The following VBP1 variants were observed in gnomAD, a reference collection of about 807,000 sequenced individuals.
VBP1 encodes prefoldin subunit 3.
A neutral mutation model predicts 15.5 loss-of-function variants in VBP1; 4 were observed. That is an observed-to-expected ratio of 0.26 (90% CI 0.13 to 0.59). VBP1 has a LOEUF of 0.59. VBP1 is among the 20% of genes least tolerant of loss of function. The pLI is 0.90. For synonymous variants in VBP1, 61 were observed against 52.1 expected, an observed-to-expected ratio of 1.17 and a Z score of -0.74; for missense variants, 108 against 139.6, an observed-to-expected ratio of 0.77 and a Z score of 1.14.
intron 4 of VBP1, among the ~76,000 whole-genome samples, chrX:155,234,414 C>G (rs1348989917): frequency 1.8e-5 from 2 of 110,939 alleles, no homozygotes; most frequent in African/African-American, 6.6e-5. Context: ...GCCACCGCGC[C>G]TGGCCCCCCT....
At chrX:155,197,238 G>C (rs782066462) in intron 1 of VBP1, 5 of 111,492 alleles carry the variant, frequency 4.5e-5, no homozygotes, top group Admixed American at 9.5e-5. Context: ...TCTTAGCTAA[G>C]TTCACATTAC....
intron 1 of VBP1, among the ~76,000 whole-genome samples, chrX:155,198,133 C>T (rs1047653002): frequency 8.9e-6 from 1 of 112,863 alleles, no homozygotes; most frequent in East Asian, 2.8e-4. Flanking sequence ...GAGCCCACCA[C>T]AGCTCAAGGA....
At chrX:155,210,936 G>A (rs868965778) in intron 2 of VBP1, among the ~76,000 whole-genome samples, 2 of 111,798 alleles carry the variant, frequency 1.8e-5, no homozygotes, top group African/African-American at 6.5e-5. Context: ...AAACTGTAAT[G>A]TGCCCACACA....
intron 1 of VBP1, among the ~76,000 whole-genome samples, chrX:155,198,007 C>G (rs2074585232): frequency 8.9e-6 from 1 of 112,328 alleles, no homozygotes; most frequent in Non-Finnish European, 1.9e-5. Context: ...TCGCTGATTG[C>G]TAGCACAGCA....
chrX:155,208,928 AC>A lies in VBP1; in HGVS notation c.28del (p.Gln10SerfsTer4). 1.7e-6 allele frequency: 2 copies of A among 1,154,886 alleles called. No individual in the cohort carries two copies. Among genetic ancestry groups the A allele is most frequent in the Non-Finnish European group, 2.3e-6 (2 of 872,591 alleles). ...AATGGCACCTCAACCCATGATTCATACCCAGCAAGGCCTAAGGACCAGTAGT... is the reference window on the plus strand; with the variant it reads ...AATGGCACCTCAACCCATGATTCATACCAGCAAGGCCTAAGGACCAGTAGT... On this transcript the variant is annotated frameshift_variant, in exon 2 of 7. Transcript: ENST00000535916. LOFTEE classifies it high-confidence loss of function.
chrX:155,219,589 C>T (rs2074679352), intron 1 of VBP1, among the ~76,000 whole-genome samples: 2 of 111,266 alleles, frequency 1.8e-5, no homozygotes, highest in Non-Finnish European at 3.8e-5. Context: ...TGACATGCAA[C>T]CTGTAAAATC....
intron 1 of VBP1, among the ~76,000 whole-genome samples, chrX:155,202,506 G>C (rs1407130757): frequency 2.7e-5 from 3 of 110,312 alleles, no homozygotes; most frequent in African/African-American, 1.0e-4. Flanking sequence ...AAGCAGTGGG[G>C]AAAGGATTAC....
intron 1 of VBP1, among the ~76,000 whole-genome samples, chrX:155,198,066 C>T (rs948153905): frequency 5.3e-5 from 6 of 112,519 alleles, no homozygotes; most frequent in African/African-American, 1.6e-4. Flanking sequence ...GAGGGGCGCC[C>T]GCCATTGCCC....
chrX:155,202,813 G>C (rs1423954585), intron 1 of VBP1, among the ~76,000 whole-genome samples: 6 of 109,737 alleles, frequency 5.5e-5, no homozygotes, highest in Non-Finnish European at 9.5e-5. Flanking sequence ...CCATCAGAGT[G>C]AACAGGCAAC....
rs74589923 is a variant in VBP1, at chrX:155,201,842, A to G, written c.-31+4703A>G. ...ATTGTCCCTGTTTGCAGATGACATGATTGTGTATCTAGAAAACCCCATTGT... is the reference window on the plus strand; with the variant it reads ...ATTGTCCCTGTTTGCAGATGACATGGTTGTGTATCTAGAAAACCCCATTGT... On this transcript the variant is annotated intron_variant, in intron 1 of 6. Transcript: ENST00000535916. Among the ~76,000 whole-genome samples the G allele has an allele frequency of 5.4e-5, 6 of 111,476 alleles. No homozygotes were observed. The East Asian group carries it at 1.7e-3, about 31-fold the overall frequency.
chrX:155,236,861 G>A (rs2074775971), intron 5 of VBP1, among the ~76,000 whole-genome samples: 1 of 111,966 alleles, frequency 8.9e-6, no homozygotes, highest in Non-Finnish European at 1.9e-5. Context: ...AGCATTTAAG[G>A]GTCTCCTATG....
Position 155,237,008 on chromosome X carries a change from T to C in VBP1, c.523+641T>C, listed in dbSNP as rs1335725146. Among the ~76,000 whole-genome samples the C allele has an allele frequency of 2.7e-5, 3 of 112,440 alleles. No individual in the cohort carries two copies. In the Admixed American group the frequency reaches 2.8e-4, roughly 11 times the overall value. On this transcript the variant is annotated intron_variant, in intron 5 of 5. Transcript: ENST00000286428. ...AGCAAACTATAAGTAAGTTAACATA[T>C]GCAACACCAAGGCAATTTAAACTTT...
At chrX:155,231,266 A>G (rs1157024270) in intron 4 of VBP1, among the ~76,000 whole-genome samples, 2 of 111,853 alleles carry the variant, frequency 1.8e-5, no homozygotes, top group African/African-American at 6.5e-5. Context: ...TGCTGTAGCC[A>G]TGGTGGCCCC....
intron 1 of VBP1, among the ~76,000 whole-genome samples, chrX:155,198,741 G>A (rs1045351951): frequency 9.9e-5 from 11 of 110,894 alleles, no homozygotes; most frequent in Non-Finnish European, 1.3e-4. Context: ...CACCAGCAAC[G>A]GAACAAAGCT....
rs1255749615 is a variant in VBP1 at position 155,220,223 on chromosome X, C to T, written c.134C>T (p.Thr45Ile). 2.5e-6 allele frequency: 3 copies of T among 1,196,602 alleles called. No individual in the cohort carries two copies. The Admixed American group carries it at 6.7e-5, about 27-fold the overall frequency. Residue 45 changes from threonine (T) to isoleucine (I), a missense_variant, in exon 2 of 6, where the codon ACT becomes ATT. By Grantham distance (89) the Thr-to-Ile change is moderately conservative (BLOSUM62 -1). Coordinates refer to ENST00000286428, the MANE Select transcript of VBP1 (RefSeq NM_003372.7). Reference protein sequence around the residue: ...DSFMKQPGNETADTVLKKLDE... With the variant: ...DSFMKQPGNEIADTVLKKLDE... The stretch of plus-strand genomic sequence containing the variant: ...TTCATGAAACAGCCTGGGAATGAGA[C>T]TGCAGATACAGTATTAAAGAAGCTG...
At chrX:155,223,168 T>C (rs2074698646) in intron 2 of VBP1, among the ~76,000 whole-genome samples, 1 of 92,145 alleles carries the variant, frequency 1.1e-5, no homozygotes, top group Non-Finnish European at 2.1e-5. Flanking sequence ...TTTGAATTTC[T>C]GTTCATAAGT....
chrX:155,206,862 T>A (rs1557308096), intron 1 of VBP1, among the ~76,000 whole-genome samples: 1 of 111,366 alleles, frequency 9.0e-6, no homozygotes, highest in African/African-American at 3.3e-5. Flanking sequence ...TCTCTATACA[T>A]CCTCTATAAT....
At chrX:155,234,147 G>C (rs2074760439) in intron 4 of VBP1, among the ~76,000 whole-genome samples, 2 of 65,723 alleles carry the variant, frequency 3.0e-5, no homozygotes, top group Admixed American at 5.1e-4. Context: ...TTGAGACAGA[G>C]TCTTGTTCTG....
chrX:155,209,807 G>A (rs2074638437), intron 2 of VBP1, among the ~76,000 whole-genome samples: 1 of 111,649 alleles, frequency 9.0e-6, no homozygotes, highest in Non-Finnish European at 1.9e-5. Flanking sequence ...CGAGAGTTTT[G>A]TATTAAAATA....
Sources: gnomAD v4.1 joint callset for allele counts (sites outside exome capture counted in the v4.1 genomes callset) on GRCh38, gnomAD v4.1.1 for gene constraint, MANE v1.5 for transcripts, NCBI Gene and HGNC (gene_info 2026-07-23, HGNC 2026-07-21) for gene names.